Variants in PAMR1 observed in about 807,000 individuals in gnomAD.
The protein encoded by PAMR1 is peptidase domain containing associated with muscle regeneration 1.
PAMR1 carries 88 observed loss-of-function variants against 81.8 expected under a neutral mutation model. The ratio of observed to expected loss-of-function variants is 1.08; its 90% CI spans 0.91 to 1.28. PAMR1 has a LOEUF of 1.28. PAMR1 is among the 50% of genes most tolerant of loss of function. The pLI, the probability that PAMR1 is intolerant of heterozygous loss-of-function variation, is 0.00. For missense variants in PAMR1, 935 were observed against 919.7 expected (o/e 1.02, Z -0.21); for synonymous variants, 336 against 345.3 (o/e 0.97, Z 0.30).
At chr11:35,501,569 T>A (rs1405579723) in intron 1 of PAMR1, among the ~76,000 whole-genome samples, 1 of 114,184 alleles carries the variant, frequency 8.8e-6, no homozygotes, top group African/African-American at 3.3e-5. Context: ...ATTATTATTA[T>A]TTTTTTTTTA....
At chr11:35,460,482 C>A (rs1181289562) in intron 6 of PAMR1, among the ~76,000 whole-genome samples, 5 of 152,142 alleles carry the variant, frequency 3.3e-5, no homozygotes, top group African/African-American at 4.8e-5. Context: ...CTACTCCCCC[C>A]ACCCCACAAC....
At chr11:35,479,968 A>G (rs1023002525) in intron 3 of PAMR1, among the ~76,000 whole-genome samples, 2 of 152,196 alleles carry the variant, frequency 1.3e-5, no homozygotes, top group African/African-American at 4.8e-5. Context: ...TCAGGTGTTC[A>G]TCAGGAACAA....
chr11:35,464,689 G>C (rs7112485), intron 6 of PAMR1, among the ~76,000 whole-genome samples: 1 of 151,990 alleles, frequency 6.6e-6, no homozygotes. Flanking sequence ...CAGAAAAAAA[G>C]GTCTAGAAGA....
chr11:35,525,388 C>A, intron 1 of PAMR1, 125 bp downstream of exon 1: 1 of 738,996 alleles, frequency 1.4e-6, no homozygotes, highest in Non-Finnish European at 2.3e-6. Context: ...CCCCTCAACC[C>A]CTCACCCCAA....
At chr11:35,433,603 C>A (rs1035424208) in intron 10 of PAMR1, among the ~76,000 whole-genome samples, 3 of 152,250 alleles carry the variant, frequency 2.0e-5, no homozygotes, top group Admixed American at 1.3e-4. Context: ...TCTATCTCTC[C>A]CACTCAACTG....
In PAMR1 at chr11:35,432,393, A is replaced by G. The variant is rs752028464; in HGVS notation, c.2126T>C (p.Leu709Pro). The stretch of plus-strand genomic sequence containing the variant: ...TCTTTCAATCCAGTCTTTAAAAGGC[A>G]GCACCTTGGTGAAGGCAGTGGAGAG... ...HRLSTAFTKV[L>P]PFKDWIERNM... Residue 709 changes from leucine to proline, a missense_variant, in exon 11 of 11, where the codon CTG becomes CCG. Transcript: ENST00000619888. 1.4e-5 allele frequency: 22 copies of G among 1,613,632 alleles called. No homozygotes were observed. The East Asian group carries it at 4.7e-4, about 34-fold the overall frequency.
chr11:35,483,799 T>C (rs1477604930), intron 3 of PAMR1, among the ~76,000 whole-genome samples: 1 of 152,234 alleles, frequency 6.6e-6, no homozygotes, highest in Admixed American at 6.5e-5. Context: ...TGAGCTATGA[T>C]TGATGAGTTC....
intron 1 of PAMR1, among the ~76,000 whole-genome samples, chr11:35,518,722 T>C (rs1408631197): frequency 6.6e-6 from 1 of 152,100 alleles, no homozygotes; most frequent in Non-Finnish European, 1.5e-5. Flanking sequence ...TGCTTTAGTT[T>C]CTTGGAGTCA....
At chr11:35,471,419 G>A (rs1005844360) in intron 4 of PAMR1, among the ~76,000 whole-genome samples, 7 of 152,082 alleles carry the variant, frequency 4.6e-5, no homozygotes, top group African/African-American at 1.7e-4. Context: ...CCAAATATAC[G>A]ACTGAATGGA....
chr11:35,469,305 A>G (rs548853774), intron 5 of PAMR1, among the ~76,000 whole-genome samples: 10 of 152,344 alleles, frequency 6.6e-5, no homozygotes, highest in African/African-American at 2.4e-4. Flanking sequence ...CAGTATTGCC[A>G]AAGTTCTCCA....
At chr11:35,476,915 T>G (rs549715650) in intron 3 of PAMR1, among the ~76,000 whole-genome samples, 107 of 152,206 alleles carry the variant, frequency 7.0e-4, no homozygotes, top group Non-Finnish European at 9.6e-4. Flanking sequence ...TTGTACTTGC[T>G]GTTTTCTAAA....
intron 3 of PAMR1, among the ~76,000 whole-genome samples, chr11:35,475,311 G>T (rs931754938): frequency 6.6e-6 from 1 of 152,166 alleles, no homozygotes; most frequent in African/African-American, 2.4e-5. Flanking sequence ...CAGTTGGACT[G>T]GATTGATGAT....
chr11:35,517,694 C>T (rs138442620), intron 1 of PAMR1, among the ~76,000 whole-genome samples: 19 of 152,332 alleles, frequency 1.2e-4, no homozygotes, highest in Middle Eastern at 3.4e-3. Context: ...CTGAATATCT[C>T]CCAGGATTAG....
intron 6 of PAMR1, among the ~76,000 whole-genome samples, chr11:35,466,933 C>T (rs1407971542): frequency 6.6e-6 from 1 of 151,888 alleles, no homozygotes. Flanking sequence ...CCTCCCCATC[C>T]TATGGTATTT....
intron 3 of PAMR1, among the ~76,000 whole-genome samples, chr11:35,476,564 C>T (rs1250780372): frequency 6.6e-6 from 1 of 152,176 alleles, no homozygotes; most frequent in African/African-American, 2.4e-5. Flanking sequence ...CCACACGGAG[C>T]TGTGAGTCAA....
At chr11:35,527,847 C>T (rs114799167), upstream of PAMR1, among the ~76,000 whole-genome samples, 1,681 of 152,212 alleles carry the variant, frequency 0.011, 42 homozygotes, top group African/African-American at 0.039. Context: ...GACTTTGCTT[C>T]GAGCTCAGCA....
In PAMR1 at chr11:35,494,177, C is replaced by G. The variant is rs777943313; in HGVS notation, c.169G>C (p.Gly57Arg). 6.2e-7 allele frequency: 1 copy of G among 1,614,018 alleles called. No individual in the cohort carries two copies. The highest frequency in any genetic ancestry group is 8.5e-7 in the Non-Finnish European group (1 of 1,179,866). ...GTATAACCCACGACTTCCCTCTTTC[C>G]GGGGCAGACGCACTCAATCTGATCA... Reference protein sequence around the residue: ...EYDQIECVCPGKREVVGYTIP... With the variant: ...EYDQIECVCPRKREVVGYTIP... The change falls in exon 2 of 11, where the codon GGA becomes CGA. Residue 57 changes from glycine to arginine, a missense_variant. Physicochemically the swap from Gly to Arg is moderately radical, Grantham distance 125. Coordinates refer to ENST00000619888, the MANE Select transcript of PAMR1 (RefSeq NM_001001991.3).
chr11:35,501,538 T>A (rs1006597950), intron 1 of PAMR1, among the ~76,000 whole-genome samples: 1 of 151,638 alleles, frequency 6.6e-6, no homozygotes, highest in Non-Finnish European at 1.5e-5. Flanking sequence ...ATACTATATG[T>A]TTTTTCCTGT....
chr11:35,485,052 A>G (rs1447195387), intron 3 of PAMR1, among the ~76,000 whole-genome samples: 1 of 152,194 alleles, frequency 6.6e-6, no homozygotes, highest in Non-Finnish European at 1.5e-5. Context: ...ATTTCCCACT[A>G]TAAGAAACCA....
Sources: allele counts gnomAD v4.1 joint callset (sites outside exome capture counted in the v4.1 genomes callset), GRCh38; gene constraint gnomAD v4.1.1; transcripts MANE v1.5; gene names NCBI Gene and HGNC (gene_info 2026-07-23, HGNC 2026-07-21).